Variants in DOK4 observed in about 807,000 individuals in gnomAD.
DOK4 encodes docking protein 4.
DOK4 carries 26 observed loss-of-function variants against 40.1 expected under a neutral mutation model. The ratio of observed to expected loss-of-function variants is 0.65; its 90% confidence interval spans 0.48 to 0.90. The LOEUF (loss-of-function observed/expected upper bound fraction) is 0.90, where lower values mean the gene tolerates loss of function less well. DOK4 is among the 40% of genes least tolerant of loss of function. The pLI is 0.00. For synonymous variants in DOK4, 179 were observed against 177.0 expected (o/e 1.01, Z -0.09); for missense variants, 392 against 437.2 (o/e 0.90, Z 0.92).
exon 9 of DOK4, chr16:57,472,464 A>G (rs943529070): frequency 6.5e-6 from 1 of 152,738 alleles, no homozygotes; most frequent in Non-Finnish European, 1.5e-5. Flanking sequence ...TCTTGGTTTC[A>G]GAGTGCTTTT....
intron 6 of DOK4, 146 bp downstream of exon 6, chr16:57,474,647 G>A (rs892630728): frequency 3.4e-5 from 35 of 1,036,912 alleles, no homozygotes; most frequent in Admixed American, 7.6e-5. Context: ...TCATTTCTTC[G>A]TCTGTAAAAT....
chr16:57,475,766 T>TCCCTCTCTCCCCTCTCTCCCTCTCTC, intron 3 of DOK4, 84 bp downstream of exon 3: 1 of 862,406 alleles, frequency 1.2e-6, no homozygotes, highest in Admixed American at 2.4e-5. Flanking sequence ...CTCCCCTCTC[T>TCCCTCTCTCCCCTCTCTCCCTCTCTC]CCCTCTCTCC....
intron 8 of DOK4, 26 bp downstream of exon 8, chr16:57,473,587 G>A (rs1479772788): frequency 2.5e-6 from 4 of 1,614,156 alleles, no homozygotes; most frequent in Non-Finnish European, 3.4e-6. Context: ...CCTGGCAGGT[G>A]GGTGTGGGGC....
intron 1 of DOK4, chr16:57,481,544 C>G (rs1396370141): frequency 2.6e-5 from 4 of 152,300 alleles, no homozygotes; most frequent in African/African-American, 9.6e-5. Context: ...CTCCTCAGAG[C>G]AAGGACCAGC....
rs1335608964 is a variant in DOK4 at position 57,485,096 on chromosome 16, G to A, written c.-182+1209C>T. ...GCTGGACCTGGCTCAGCTTCCAGAG[G>A]TGCGTGAGCCACAGTGGGCTCCCAG... On this transcript the variant is annotated intron_variant, in intron 1 of 8. Transcript: ENST00000340099. This position sits in a 1 kb window ranked among gnomAD's most constrained non-coding sequence, Gnocchi z 4.3. 6.6e-6 allele frequency among the ~76,000 whole-genome samples: 1 copy of A among 152,210 alleles called. No homozygotes were observed. The highest frequency in any genetic ancestry group is 6.5e-5 in the Admixed American group (1 of 15,288).
At chr16:57,475,260 G>A (rs1203170411) in intron 4 of DOK4, 41 bp from the exon 5 acceptor site, 2 of 1,594,084 alleles carry the variant, frequency 1.3e-6, no homozygotes, top group African/African-American at 2.7e-5. Flanking sequence ...CCAGAGCCCG[G>A]TAGCCCACCC....
chr16:57,475,672 CTCTCTCT>C, intron 3 of DOK4, 52 bp from the exon 4 acceptor site: 1 of 737,416 alleles, frequency 1.4e-6, no homozygotes, highest in Non-Finnish European at 2.1e-6. Context: ...CTCTCTCTCT[CTCTCTCT>C]CTCTCTCTCT....
chr16:57,473,735 A>T, exon 8 of DOK4: 8 of 1,609,088 alleles, frequency 5.0e-6, no homozygotes, highest in Non-Finnish European at 3.4e-6. Flanking sequence ...CTTGTTCAGC[A>T]GCTGTGGGGC....
chr16:57,473,375 G>A, exon 9 of DOK4: 1 of 1,612,722 alleles, frequency 6.2e-7, no homozygotes, highest in African/African-American at 1.3e-5. Flanking sequence ...CCAGCACTGT[G>A]GTCACTGGGA....
intron 6 of DOK4, 71 bp downstream of exon 6, chr16:57,474,722 C>A: frequency 6.4e-7 from 1 of 1,560,772 alleles, no homozygotes; most frequent in South Asian, 1.2e-5. Flanking sequence ...TAGCACAGTG[C>A]CCAACACAGA....
chr16:57,479,632 T>A lies in DOK4; in HGVS notation c.-125A>T. 1.0e-6 allele frequency: 1 copy of A among 976,524 alleles called. No individual in the cohort carries two copies. Among genetic ancestry groups the A allele is most frequent in the Non-Finnish European group, 1.6e-6 (1 of 630,858 alleles). 60.5% of individuals were successfully genotyped at this position (976,524 alleles called of 1,614,324 possible). On this transcript the variant is annotated 5_prime_UTR_variant, in exon 2 of 9. Transcript: ENST00000340099. This position sits in a 1 kb window ranked among gnomAD's most constrained non-coding sequence, Gnocchi z 5.8. ...CTCTGTCGGGGCTGCCGCGAGGGGC[T>A]GCTCCTCACCTCACCCGCCTCAGCA...
chr16:57,475,693 T>TCTCTCTCTCCCTCTCC (rs745889807), intron 3 of DOK4, 73 bp from the exon 4 acceptor site: 2 of 480,482 alleles, frequency 4.2e-6, no homozygotes, highest in South Asian at 1.9e-5. Flanking sequence ...TCTCTCTCTC[T>TCTCTCTCTCCCTCTCC]CTCCCTCCCT....
exon 9 of DOK4, chr16:57,472,733 C>T (rs2030917845): frequency 6.6e-6 from 1 of 152,412 alleles, no homozygotes; most frequent in Non-Finnish European, 1.5e-5. Context: ...CATTTTAAAA[C>T]CAGATTTTCA....
At chr16:57,481,006 C>T (rs1447072099) in intron 1 of DOK4, among the ~76,000 whole-genome samples, 2 of 152,170 alleles carry the variant, frequency 1.3e-5, no homozygotes. Flanking sequence ...TCCTCGGGGG[C>T]AGGGTTATGC....
exon 9 of DOK4, chr16:57,472,083 T>G (rs1173061254): frequency 6.5e-6 from 1 of 152,722 alleles, no homozygotes; most frequent in Non-Finnish European, 1.5e-5. Flanking sequence ...TGGACCCCAG[T>G]TCCCCTCTAC....
At chr16:57,486,786 A>G (rs2031555794), upstream of DOK4, among the ~76,000 whole-genome samples, 1 of 149,594 alleles carries the variant, frequency 6.7e-6, no homozygotes, top group Non-Finnish European at 1.5e-5. Flanking sequence ...ATACACACCC[A>G]TACGCCACAT....
exon 1 of DOK4, chr16:57,486,440 G>C (rs1168799570): frequency 2.0e-5 from 3 of 152,204 alleles, no homozygotes; most frequent in Admixed American, 6.6e-5. Context: ...GGCGAGGGAG[G>C]CGCGGCCGCA....
exon 4 of DOK4, chr16:57,475,522 G>A (rs370931587): frequency 4.0e-5 from 65 of 1,607,614 alleles, no homozygotes; most frequent in Non-Finnish European, 3.7e-5. Flanking sequence ...CGCAGGTGAA[G>A]GTACGTGCCG....
Position 57,475,502 on chromosome 16 carries a change from T to G in DOK4, c.289+4A>C. 1 of 1,601,538 alleles carries G rather than the reference T, an allele frequency of 6.2e-7. No homozygotes were observed. The highest frequency in any genetic ancestry group is 8.5e-7 in the Non-Finnish European group (1 of 1,174,718). ...GCAGATGGAGGCCCATACTCGCGCC[T>G]CACCTGAGTCGCAGGTGAAGGTACG... On this transcript the variant is annotated splice_donor_region_variant and intron_variant, in intron 4 of 8. Transcript: ENST00000340099.
Sources: gnomAD v4.1 joint callset for allele counts (sites outside exome capture counted in the v4.1 genomes callset) on GRCh38, gnomAD v4.1.1 for gene constraint, Gnocchi (gnomAD v3.1) non-coding constraint, MANE v1.5 for transcripts, NCBI Gene and HGNC (gene_info 2026-07-23, HGNC 2026-07-21) for gene names.